Variants in MIPOL1 observed in about 807,000 individuals in gnomAD.
The protein encoded by MIPOL1 is mirror-image polydactyly 1.
In MIPOL1, 57 loss-of-function variants were observed where a neutral mutation model predicts 60.9. That is an observed-to-expected ratio of 0.94 (90% confidence interval 0.76 to 1.17). The LOEUF (loss-of-function observed/expected upper bound fraction) is 1.17. Ranked by LOEUF, MIPOL1 falls within the 50% of genes most tolerant of loss-of-function variation. MIPOL1 has a pLI of 0.00. For synonymous variants in MIPOL1, 179 were observed against 168.8 expected (o/e 1.06, Z -0.47); for missense variants, 551 against 511.6 (o/e 1.08, Z -0.74).
At chr14:37,291,782 A>C (rs2085080489) in intron 7 of MIPOL1, among the ~76,000 whole-genome samples, 1 of 152,146 alleles carries the variant, frequency 6.6e-6, no homozygotes, top group Non-Finnish European at 1.5e-5. Context: ...AAAAGGGCAA[A>C]AAGAGGCAAG....
At chr14:37,394,615 T>G (rs933364695) in intron 10 of MIPOL1, among the ~76,000 whole-genome samples, 10 of 151,586 alleles carry the variant, frequency 6.6e-5, no homozygotes, top group Admixed American at 3.9e-4. Context: ...GGATTGTTTG[T>G]TTTTTTTCTT....
intron 10 of MIPOL1, among the ~76,000 whole-genome samples, chr14:37,382,184 AG>A (rs1490782865): frequency 5.9e-5 from 9 of 152,156 alleles, no homozygotes; most frequent in Admixed American, 2.0e-4. Flanking sequence ...TTCTATGTAA[AG>A]TTGTGCCCTA....
chr14:37,489,702 G>A (rs1284215774), intron 11 of MIPOL1, among the ~76,000 whole-genome samples: 3 of 152,152 alleles, frequency 2.0e-5, no homozygotes, highest in African/African-American at 7.2e-5. Flanking sequence ...CTAACAGTCA[G>A]GCCCCTCTGC....
At chr14:37,461,154 CT>C (rs1265838222) in intron 11 of MIPOL1, among the ~76,000 whole-genome samples, 1 of 152,092 alleles carries the variant, frequency 6.6e-6, no homozygotes, top group Non-Finnish European at 1.5e-5. Flanking sequence ...TTGTATTAGT[CT>C]GTTTTCACAC....
intron 9 of MIPOL1, among the ~76,000 whole-genome samples, chr14:37,354,115 C>A (rs2091620521): frequency 1.3e-5 from 2 of 150,880 alleles, no homozygotes; most frequent in Non-Finnish European, 3.0e-5. Flanking sequence ...TGTCTTTGTT[C>A]TCGTTGGTTT....
intron 9 of MIPOL1, among the ~76,000 whole-genome samples, chr14:37,358,571 A>G (rs1262467948): frequency 6.6e-6 from 1 of 152,114 alleles, no homozygotes; most frequent in Non-Finnish European, 1.5e-5. Flanking sequence ...TTTGATTTGC[A>G]TTTCTCTGAT....
At chr14:37,414,562 T>C (rs1257273049) in intron 10 of MIPOL1, among the ~76,000 whole-genome samples, 1 of 152,220 alleles carries the variant, frequency 6.6e-6, no homozygotes, top group Non-Finnish European at 1.5e-5. Flanking sequence ...CATGGTTTCT[T>C]ATAAGAAATT....
At chr14:37,258,796 A>G (rs1216419473) in intron 3 of MIPOL1, among the ~76,000 whole-genome samples, 1 of 152,154 alleles carries the variant, frequency 6.6e-6, no homozygotes, top group Non-Finnish European at 1.5e-5. Flanking sequence ...CTTTTCCTCA[A>G]TAGGATGAAT....
At chr14:37,366,672 T>G (rs2092480698) in intron 9 of MIPOL1, among the ~76,000 whole-genome samples, 1 of 152,096 alleles carries the variant, frequency 6.6e-6, no homozygotes, top group Non-Finnish European at 1.5e-5. Context: ...CCATTTAGTC[T>G]GTAGTTCAGA....
intron 12 of MIPOL1, among the ~76,000 whole-genome samples, chr14:37,523,223 T>C (rs1240046692): frequency 6.6e-6 from 1 of 152,128 alleles, no homozygotes; most frequent in Non-Finnish European, 1.5e-5. Flanking sequence ...CCTAATTATT[T>C]AATGAGTCCA....
At chr14:37,541,244 A>G (rs751009906) in intron 12 of MIPOL1, among the ~76,000 whole-genome samples, 1 of 152,100 alleles carries the variant, frequency 6.6e-6, no homozygotes, top group Non-Finnish European at 1.5e-5. Flanking sequence ...CCTCAACACA[A>G]ATCAAAATAT....
At chr14:37,356,555 C>T (rs533412851) in intron 9 of MIPOL1, among the ~76,000 whole-genome samples, 97 of 152,148 alleles carry the variant, frequency 6.4e-4, no homozygotes, top group Non-Finnish European at 1.0e-3. Context: ...TAGCAATCAG[C>T]GAGACTCTGT....
At chr14:37,477,009 T>G (rs1039398210) in intron 11 of MIPOL1, among the ~76,000 whole-genome samples, 3 of 149,078 alleles carry the variant, frequency 2.0e-5, no homozygotes, top group Admixed American at 6.7e-5. Flanking sequence ...CCAGCAATTC[T>G]CCTGCCTCAG....
At chr14:37,482,227 C>G (rs1226574965) in intron 11 of MIPOL1, among the ~76,000 whole-genome samples, 2 of 151,856 alleles carry the variant, frequency 1.3e-5, no homozygotes, top group Non-Finnish European at 2.9e-5. Context: ...AACTCAATAG[C>G]AAGAAAACAA....
rs1469233606 is a variant in MIPOL1, at chr14:37,549,112, A to G, written c.*2141A>G. On this transcript the variant is annotated 3_prime_UTR_variant, in exon 13 of 13. Coordinates refer to ENST00000684589, the MANE Select transcript of MIPOL1 (RefSeq NM_001388067.1). ...GGTCTTTATATATTTTTTCTGTATGAAGGAATAGCCTTGCCTACTGAAGAT... is the reference window on the plus strand; with the variant it reads ...GGTCTTTATATATTTTTTCTGTATGGAGGAATAGCCTTGCCTACTGAAGAT... 6.6e-6 allele frequency: 1 copy of G among 151,882 alleles called. No homozygotes were observed. The highest frequency in any genetic ancestry group is 2.4e-5 in the African/African-American group (1 of 41,422). The allele number at this position is 151,882 out of a possible 1,614,324, so 9.4% of individuals were successfully genotyped here.
intron 10 of MIPOL1, among the ~76,000 whole-genome samples, chr14:37,386,581 G>A (rs1222037572): frequency 6.6e-6 from 1 of 151,912 alleles, no homozygotes; most frequent in Non-Finnish European, 1.5e-5. Flanking sequence ...ACAGAAATTT[G>A]CATAGAATTC....
chr14:37,262,643 G>T, intron 3 of MIPOL1, among the ~76,000 whole-genome samples: 1 of 152,132 alleles, frequency 6.6e-6, no homozygotes, highest in East Asian at 1.9e-4. Context: ...GTTCATTTTA[G>T]ATATATATGC....
At chr14:37,327,171 G>A (rs1003678144) in intron 9 of MIPOL1, among the ~76,000 whole-genome samples, 3 of 152,192 alleles carry the variant, frequency 2.0e-5, no homozygotes, top group African/African-American at 7.2e-5. Flanking sequence ...GAGATAGAAG[G>A]TTGGATTTAG....
chr14:37,528,599 C>T (rs140742697), intron 12 of MIPOL1, among the ~76,000 whole-genome samples: 9 of 151,920 alleles, frequency 5.9e-5, no homozygotes, highest in Non-Finnish European at 1.2e-4. Flanking sequence ...TTCATCTTGC[C>T]GTCTAATTAT....
Sources: allele counts gnomAD v4.1 joint callset (sites outside exome capture counted in the v4.1 genomes callset), GRCh38; gene constraint gnomAD v4.1.1; transcripts MANE v1.5; gene names NCBI Gene and HGNC (gene_info 2026-07-23, HGNC 2026-07-21).